The following TENM3 variants were observed in gnomAD, a reference collection of about 807,000 sequenced individuals.
TENM3 encodes the protein teneurin-3.
Under a neutral mutation model 255.1 loss-of-function variants are expected in TENM3, and 63 were observed. The ratio of observed to expected loss-of-function variants is 0.25; its 90% confidence interval spans 0.20 to 0.30. The LOEUF is 0.30. Ranked by LOEUF, TENM3 falls within the 10% of genes least tolerant of loss-of-function variation. The pLI, the probability that TENM3 is intolerant of heterozygous loss-of-function variation, is 1.00. For missense variants in TENM3, 2,929 were observed against 3,461.1 expected (o/e 0.85, Z 3.86); for synonymous variants, 1,306 against 1,322.3 (o/e 0.99, Z 0.27).
At chr4:182,166,066 C>A (rs916416401) in intron 1 of TENM3, among the ~76,000 whole-genome samples, 3 of 152,308 alleles carry the variant, frequency 2.0e-5, no homozygotes, top group South Asian at 4.1e-4. Context: ...GCGTGAGCCA[C>A]CGCACCCGGC....
chr4:182,696,966 T>TA (rs1757474742), intron 12 of TENM3, among the ~76,000 whole-genome samples: 2 of 106,804 alleles, frequency 1.9e-5, no homozygotes, highest in Non-Finnish European at 4.4e-5. Context: ...GGAAATTACT[T>TA]AAGCCCCCTG....
the TENM3 span, among the ~76,000 whole-genome samples, chr4:181,626,737 A>T: frequency 6.6e-6 from 1 of 152,304 alleles, no homozygotes; most frequent in South Asian, 2.1e-4. Context: ...TCACATTTCA[A>T]CATGGGATTT....
chr4:181,592,256 A>AACACACACACACATACACACACAC, the TENM3 span, among the ~76,000 whole-genome samples: 1 of 148,320 alleles, frequency 6.7e-6, no homozygotes, highest in Non-Finnish European at 1.5e-5. Flanking sequence ...TTTAAACACA[A>AACACACACACACATACACACACAC]ACACACACAC....
the TENM3 span, among the ~76,000 whole-genome samples, chr4:181,865,187 C>T: frequency 6.6e-6 from 1 of 152,158 alleles, no homozygotes; most frequent in Non-Finnish European, 1.5e-5. Context: ...TGTCGATTGC[C>T]AATACGCTGT....
chr4:181,745,456 T>G, the TENM3 span, among the ~76,000 whole-genome samples: 1 of 152,234 alleles, frequency 6.6e-6, no homozygotes, highest in African/African-American at 2.4e-5. Context: ...TGTTTTAAAA[T>G]TGTTATATTT....
the TENM3 span, among the ~76,000 whole-genome samples, chr4:182,103,150 A>C: frequency 3.2e-4 from 49 of 152,360 alleles, no homozygotes; most frequent in Non-Finnish European, 2.5e-4. Context: ...ATTTCCTATA[A>C]ATACTTATAT....
At chr4:182,260,516 A>G (rs1036134146) in intron 1 of TENM3, among the ~76,000 whole-genome samples, 1 of 152,244 alleles carries the variant, frequency 6.6e-6, no homozygotes, top group African/African-American at 2.4e-5. Context: ...ATTACCTACT[A>G]AATAATACTT....
intron 11 of TENM3, among the ~76,000 whole-genome samples, chr4:182,686,152 A>G (rs1364296299): frequency 2.0e-5 from 3 of 152,046 alleles, no homozygotes; most frequent in Non-Finnish European, 2.9e-5. Context: ...AACTTCACAT[A>G]TATTTAACTC....
chr4:182,626,934 A>C (rs1181427845), intron 4 of TENM3, among the ~76,000 whole-genome samples: 2 of 152,190 alleles, frequency 1.3e-5, no homozygotes, highest in Non-Finnish European at 2.9e-5. Flanking sequence ...AGGTCAAGAA[A>C]AAAAACTGAG....
At chr4:181,736,150 T>A in the TENM3 span, among the ~76,000 whole-genome samples, 1 of 152,008 alleles carries the variant, frequency 6.6e-6, no homozygotes, top group East Asian at 1.9e-4. Flanking sequence ...ATACATAAAT[T>A]AGCCGGGCGT....
At chr4:182,542,846 T>C (rs1404437059) in intron 3 of TENM3, among the ~76,000 whole-genome samples, 1 of 152,192 alleles carries the variant, frequency 6.6e-6, no homozygotes, top group Non-Finnish European at 1.5e-5. Flanking sequence ...TCCATATCAC[T>C]GTAAATGAAA....
intron 1 of TENM3, among the ~76,000 whole-genome samples, chr4:182,279,219 T>C (rs1262623878): frequency 1.3e-5 from 2 of 152,250 alleles, no homozygotes; most frequent in Non-Finnish European, 2.9e-5. Flanking sequence ...GTTTCCTTTT[T>C]TCTGTGTGCG....
intron 22 of TENM3, among the ~76,000 whole-genome samples, chr4:182,770,614 G>T (rs1343812052): frequency 6.6e-6 from 1 of 151,994 alleles, no homozygotes; most frequent in Non-Finnish European, 1.5e-5. Context: ...ACCTGGCCAG[G>T]TCCCCACCTG....
the TENM3 span, among the ~76,000 whole-genome samples, chr4:182,100,802 TATATACACATATATATAC>T: frequency 3.7e-5 from 1 of 26,960 alleles, no homozygotes; most frequent in Non-Finnish European, 8.1e-5. Flanking sequence ...TATACACATA[TATATACACATATATATAC>T]ACATATATAT....
intron 1 of TENM3, among the ~76,000 whole-genome samples, chr4:182,187,444 T>G (rs2149771572): frequency 6.6e-6 from 1 of 152,260 alleles, no homozygotes; most frequent in East Asian, 1.9e-4. Flanking sequence ...CAAAGGAGGT[T>G]AAAATTTTTG....
intron 19 of TENM3, among the ~76,000 whole-genome samples, chr4:182,749,275 A>G (rs533624133): frequency 1.1e-4 from 17 of 152,290 alleles, no homozygotes; most frequent in African/African-American, 3.4e-4. Flanking sequence ...ATAGTTTAGG[A>G]TATTATAAAC....
At chr4:181,482,141 T>G in the TENM3 span, among the ~76,000 whole-genome samples, 1 of 152,144 alleles carries the variant, frequency 6.6e-6, no homozygotes, top group Non-Finnish European at 1.5e-5. Context: ...TGACATATAA[T>G]AATTGTATCT....
intron 1 of TENM3, among the ~76,000 whole-genome samples, chr4:182,228,229 C>G (rs532265222): frequency 4.6e-5 from 7 of 151,848 alleles, no homozygotes; most frequent in African/African-American, 1.5e-4. Flanking sequence ...TAGATTTTAG[C>G]TGTTCTTGCC....
chr4:181,525,470 C>G, the TENM3 span, among the ~76,000 whole-genome samples: 7 of 151,536 alleles, frequency 4.6e-5, no homozygotes, highest in Non-Finnish European at 1.0e-4. Context: ...CATATCTCCC[C>G]CTGACTTTTG....
Sources: gnomAD v4.1 joint callset for allele counts (sites outside exome capture counted in the v4.1 genomes callset) on GRCh38, gnomAD v4.1.1 for gene constraint, MANE v1.5 for transcripts, NCBI Gene and HGNC (gene_info 2026-07-23, HGNC 2026-07-21) for gene names.